Variants in MAPKBP1 observed in about 807,000 individuals in gnomAD.
The protein encoded by MAPKBP1 is mitogen-activated protein kinase-binding protein 1.
A neutral mutation model predicts 170.5 loss-of-function variants in MAPKBP1; 71 were observed. The observed-to-expected ratio is 0.42, with a 90% CI of 0.34 to 0.51. The LOEUF (loss-of-function observed/expected upper bound fraction) is 0.51. MAPKBP1 is among the 20% of genes least tolerant of loss of function. The pLI is 0.06. For synonymous variants in MAPKBP1, 719 were observed against 757.9 expected (o/e 0.95, Z 0.84); for missense variants, 1,598 against 1,933.0 (o/e 0.83, Z 3.25).
intron 2 of MAPKBP1, among the ~76,000 whole-genome samples, chr15:41,793,810 A>G (rs1226973122): frequency 1.3e-5 from 2 of 152,244 alleles, no homozygotes; most frequent in African/African-American, 4.8e-5. Flanking sequence ...CAAGGGGCCC[A>G]TCTCATCGCC....
chr15:41,814,756 G>T lies in MAPKBP1; in HGVS notation c.1170+17G>T. The T allele has an allele frequency of 6.2e-7, 1 of 1,612,378 alleles. No individual in the cohort carries two copies. The highest frequency in any genetic ancestry group is 8.5e-7 in the Non-Finnish European group (1 of 1,178,568). On this transcript the variant is annotated intron_variant, in intron 10 of 30. Coordinates refer to ENST00000457542, the MANE Select transcript of MAPKBP1 (RefSeq NM_014994.3). ...AGTGTGGAGGTATGTGGGCTGGCTG[G>T]CTGGCTGGAGACTGGCCAGGTTGGC...
At chr15:41,783,701 T>C (rs1462368625) in intron 2 of MAPKBP1, among the ~76,000 whole-genome samples, 2 of 152,168 alleles carry the variant, frequency 1.3e-5, no homozygotes, top group Non-Finnish European at 2.9e-5. Context: ...TTTGCAGTTG[T>C]GGGCGCGTAG....
chr15:41,819,550 G>GGT lies in MAPKBP1; in HGVS notation c.2426-44_2426-43insTG, dbSNP rs2064954104. 34 of 1,518,416 alleles carry GGT rather than the reference G, an allele frequency of 2.2e-5. 1 individual carries two copies. The East Asian group carries it at 7.4e-4, about 33-fold the overall frequency. The allele number at this position is 1,518,416 out of a possible 1,614,324, so 94.1% of individuals were successfully genotyped here. On this transcript the variant is annotated intron_variant, in intron 21 of 30. Transcript: ENST00000457542. ...CCAGGGCTCCAGGGTTGGGTGGCGG[G>GGT]GGGGGGGCAGGAGACACTTCCTCTG... is the stretch of plus-strand genomic sequence containing the variant.
chr15:41,823,664 C>T lies in MAPKBP1; in HGVS notation c.3816C>T (p.Ala1272=). 1 of 1,614,194 alleles carries T rather than the reference C, an allele frequency of 6.2e-7. No homozygotes were observed. The highest frequency in any genetic ancestry group is 8.5e-7 in the Non-Finnish European group (1 of 1,180,036). The change falls in exon 29 of 31, where the codon GCC becomes GCT. Residue 1272 remains alanine (A), a synonymous_variant. Transcript: ENST00000457542. The part of the protein sequence containing the change: ...LGLVAEPQAH[A]PIRVSPLSKL... Reference sequence around the variant, plus strand: ...TGGTGGCTGAACCTCAAGCTCATGCCCCCATCCGAGTCTCACCACTCAGCA... The same window carrying T: ...TGGTGGCTGAACCTCAAGCTCATGCTCCCATCCGAGTCTCACCACTCAGCA...
rs141317523 is a variant in MAPKBP1, at chr15:41,820,629, A to G, written c.2482-203A>G. ...GCCACTTACTGTCTGTGGGACGCAG[A>G]CTGCTCACTTAAGCCCCCTGTGCTT... On this transcript the variant is annotated intron_variant, in intron 22 of 30. Coordinates refer to ENST00000457542, the MANE Select transcript of MAPKBP1 (RefSeq NM_014994.3). 1.6e-3 allele frequency among the ~76,000 whole-genome samples: 238 copies of G among 152,312 alleles called. 1 individual carries two copies. The highest frequency in any genetic ancestry group is 5.5e-3 in the African/African-American group (229 of 41,552).
intron 2 of MAPKBP1, among the ~76,000 whole-genome samples, chr15:41,784,603 G>A (rs1194404651): frequency 6.6e-6 from 1 of 151,830 alleles, no homozygotes; most frequent in African/African-American, 2.4e-5. Context: ...CCAACATGCT[G>A]AAACCCCGTC....
At chr15:41,821,549 C>T in intron 23 of MAPKBP1, 35 bp from the exon 24 acceptor site, 1 of 1,608,058 alleles carries the variant, frequency 6.2e-7, no homozygotes, top group Non-Finnish European at 8.5e-7. Flanking sequence ...CATCTGTCAC[C>T]TCTGCTCTGT....
At chr15:41,780,929 G>A (rs1358251011) in intron 2 of MAPKBP1, among the ~76,000 whole-genome samples, 2 of 151,954 alleles carry the variant, frequency 1.3e-5, no homozygotes, top group Non-Finnish European at 2.9e-5. Flanking sequence ...TTCTTCATTG[G>A]TCACATTATT....
rs530927632 is a variant in MAPKBP1 at position 41,775,955 on chromosome 15, A to T, written c.114+566A>T. On this transcript the variant is annotated intron_variant, in intron 2 of 30. Coordinates refer to ENST00000457542, the MANE Select transcript of MAPKBP1 (RefSeq NM_014994.3). ...ACATGCAAGAAGCCAGATATCTGTC[A>T]GCAAAACAGTTCTGGATGGCCCTTG... Among the ~76,000 whole-genome samples the T allele has an allele frequency of 1.1e-4, 16 of 152,376 alleles. No homozygotes were observed. In the South Asian group the frequency reaches 2.5e-3, roughly 24 times the overall value.
At chr15:41,811,836 G>T in intron 5 of MAPKBP1, 121 bp from the exon 6 acceptor site, 1 of 951,720 alleles carries the variant, frequency 1.1e-6, no homozygotes, top group Non-Finnish European at 1.7e-6. Context: ...CCTGACTTTT[G>T]GCTGGGGAAG....
chr15:41,824,533 C>A lies in MAPKBP1; in HGVS notation c.4263C>A (p.Arg1421=), dbSNP rs779398592. 1 of 1,602,888 alleles carries A rather than the reference C, an allele frequency of 6.2e-7. No homozygotes were observed. Among genetic ancestry groups the A allele is most frequent in the African/African-American group, 1.3e-5 (1 of 74,794 alleles). ...EQCEQLVAEL[R]GSVRQAVRLY... ...GTGAGCAGCTGGTGGCAGAGCTCCG[C>A]GGCAGCGTGCGCCAGGCAGTGCGGC... The change falls in exon 30 of 31, where the codon CGC becomes CGA. Residue 1421 remains arginine (R), a synonymous_variant. Coordinates refer to ENST00000457542, the MANE Select transcript of MAPKBP1 (RefSeq NM_014994.3).
At chr15:41,782,167 C>T (rs1336794370) in intron 2 of MAPKBP1, among the ~76,000 whole-genome samples, 1 of 146,902 alleles carries the variant, frequency 6.8e-6, no homozygotes, top group African/African-American at 2.5e-5. Context: ...GAGGCTGAGG[C>T]AGGAGAATGG....
At position 41,786,777 on chromosome 15, in the gene MAPKBP1, A is replaced by AAAAAAAAAAATATATATAT; in HGVS notation, c.114+11389_114+11390insAAAAAAAAATATATATATA. Among the ~76,000 whole-genome samples, 32 of 32,436 alleles carry AAAAAAAAAAATATATATAT rather than the reference A, an allele frequency of 9.9e-4. 1 individual carries two copies. The highest frequency in any genetic ancestry group is 1.6e-3 in the Non-Finnish European group (29 of 17,988). The allele number at this position is 32,436 out of a possible 152,430, so 21.3% of individuals were successfully genotyped here. On this transcript the variant is annotated intron_variant, in intron 2 of 30. Coordinates refer to ENST00000457542, the MANE Select transcript of MAPKBP1 (RefSeq NM_014994.3). ...CAGACTCCGTCTAAAAAAAAAAAAAAATATATATATATATATATATATATA... is the reference window on the plus strand; with the variant it reads ...CAGACTCCGTCTAAAAAAAAAAAAAAAAAAAAAAAATATATATATATATATATATATATATATATATATA...
chr15:41,798,166 C>T (rs1456711780), intron 2 of MAPKBP1, among the ~76,000 whole-genome samples: 4 of 139,816 alleles, frequency 2.9e-5, no homozygotes, highest in Admixed American at 7.5e-5. Flanking sequence ...AGGAGAATGG[C>T]GTGAACCCGG....
intron 2 of MAPKBP1, among the ~76,000 whole-genome samples, chr15:41,786,777 A>AAAAAAAAAATATATATATATAT: frequency 1.9e-4 from 6 of 32,428 alleles, no homozygotes; most frequent in Admixed American, 3.9e-4. Flanking sequence ...AAAAAAAAAA[A>AAAAAAAAAATATATATATATAT]ATATATATAT....
At chr15:41,810,767 C>CTGAG in intron 3 of MAPKBP1, 116 bp from the exon 4 acceptor site, 1 of 705,142 alleles carries the variant, frequency 1.4e-6, no homozygotes, top group Non-Finnish European at 2.5e-6. Context: ...TGGAGCCCTT[C>CTGAG]TGAGCTCTTT....
At chr15:41,779,637 G>A (rs1280162611) in intron 2 of MAPKBP1, among the ~76,000 whole-genome samples, 5 of 152,224 alleles carry the variant, frequency 3.3e-5, no homozygotes, top group African/African-American at 1.2e-4. Context: ...GAGCCACCAT[G>A]CCCAGCCCCT....
In MAPKBP1 at chr15:41,815,248, G is replaced by A. The variant is rs2064869739; in HGVS notation, c.1171-11G>A. The A allele has an allele frequency of 1.2e-6, 2 of 1,614,012 alleles. No individual in the cohort carries two copies. The highest frequency in any genetic ancestry group is 1.7e-6 in the Non-Finnish European group (2 of 1,180,008). On this transcript the variant is annotated splice_polypyrimidine_tract_variant and intron_variant, in intron 10 of 30. Coordinates refer to ENST00000457542, the MANE Select transcript of MAPKBP1 (RefSeq NM_014994.3). ...AATGGAGGTCTGATTGTGTTCCCTC[G>A]GCCTCTTCAGGTCTACCCCGAGGTG...
At position 41,811,990 on chromosome 15, in the gene MAPKBP1, G is replaced by A. The variant is rs368081662; in HGVS notation, c.361G>A (p.Val121Met). The change falls in exon 6 of 31, where the codon GTG becomes ATG. Residue 121 changes from valine (V) to methionine (M), a missense_variant. By Grantham distance (21) the Val-to-Met change is conservative. Transcript: ENST00000457542. ...CATGCCTGCCGTGCGGGTTTGGGAC[G>A]TGGCAGAGCACAGCCAGGTGGCCGA... ...GHMPAVRVWD[V>M]AEHSQVAELQ... 7.4e-6 allele frequency: 12 copies of A among 1,614,020 alleles called. No homozygotes were observed. Among genetic ancestry groups the A allele is most frequent in the Admixed American group, 1.7e-5 (1 of 59,996 alleles).
Sources: allele counts gnomAD v4.1 joint callset (sites outside exome capture counted in the v4.1 genomes callset), GRCh38; gene constraint gnomAD v4.1.1; transcripts MANE v1.5; gene names NCBI Gene and HGNC (gene_info 2026-07-23, HGNC 2026-07-21).